Variants in FANCI observed in about 807,000 individuals in gnomAD.
FANCI encodes the protein Fanconi anemia group I protein.
FANCI carries 156 observed loss-of-function variants against 176.1 expected under a neutral mutation model. The observed-to-expected ratio is 0.89, with a 90% CI of 0.78 to 1.01. The LOEUF (loss-of-function observed/expected upper bound fraction) is 1.01. FANCI is among the 50% of genes least tolerant of loss of function. FANCI has a pLI of 0.00. For synonymous variants in FANCI, 613 were observed against 541.7 expected (o/e 1.13, Z -1.83); for missense variants, 1,678 against 1,534.1 (o/e 1.09, Z -1.57).
Position 89,305,115 on chromosome 15 carries a change from A to G in FANCI, c.3059A>G (p.Glu1020Gly). The G allele has an allele frequency of 6.2e-7, 1 of 1,614,100 alleles. No homozygotes were observed. Among genetic ancestry groups the G allele is most frequent in the Non-Finnish European group, 8.5e-7 (1 of 1,180,004 alleles). Residue 1020 changes from glutamate to glycine, a missense_variant and splice_region_variant, in exon 29 of 38, where the codon GAG (glutamate) becomes GGG (glycine). This residue lies in a region of FANCI where 1,204 missense variants were observed against 1,077.4 expected (regional missense o/e 1.12). Transcript: ENST00000310775. ...TSKICKENSREDALFCKSLMN... is the reference protein window; with the variant it reads ...TSKICKENSRGDALFCKSLMN... ...AATTTGCTTTTCTTCCTATTCCTAG[A>G]GGATGCCTTGTTTTGCAAGAGCTTG...
At chr15:89,310,356 T>A (rs2054906072) in intron 34 of FANCI, among the ~76,000 whole-genome samples, 1 of 152,246 alleles carries the variant, frequency 6.6e-6, no homozygotes, top group Non-Finnish European at 1.5e-5. Flanking sequence ...GAGTCATACC[T>A]GGTACTTGTT....
At chr15:89,294,456 G>A (rs1445132992) in intron 23 of FANCI, among the ~76,000 whole-genome samples, 5 of 152,162 alleles carry the variant, frequency 3.3e-5, no homozygotes, top group East Asian at 1.9e-4. Flanking sequence ...ATGGTGGTGC[G>A]CACCTGTAGT....
rs143068731 is a variant in FANCI, at chr15:89,293,983, C to T, written c.2442C>T (p.Leu814=). Residue 814 remains leucine (L), a synonymous_variant, in exon 23 of 38, where the codon CTC becomes CTT. Coordinates refer to ENST00000310775, the MANE Select transcript of FANCI (RefSeq NM_001113378.2). ...CCATGAAATTTGTGTCCAGTCTTCT[C>T]ACTGCTCTTTTCAGGTAAGGTTCTG... ...LLSMKFVSSL[L]TALFRDSIQS... is the part of the protein sequence containing the mutation. The T allele has an allele frequency of 3.1e-6, 5 of 1,614,152 alleles. No individual in the cohort carries two copies. In the African/African-American group the frequency reaches 6.7e-5, roughly 22 times the overall value.
intron 24 of FANCI, among the ~76,000 whole-genome samples, chr15:89,299,350 A>C (rs888195991): frequency 6.6e-6 from 1 of 152,168 alleles, no homozygotes; most frequent in Non-Finnish European, 1.5e-5. Context: ...ATTCTGTGCA[A>C]ATTCTTCCAG....
chr15:89,263,584 T>C, intron 7 of FANCI, 124 bp downstream of exon 7: 7 of 936,982 alleles, frequency 7.5e-6, no homozygotes, highest in Non-Finnish European at 1.2e-5. Flanking sequence ...TAGTTATGTT[T>C]TCTGTTACAG....
intron 14 of FANCI, among the ~76,000 whole-genome samples, chr15:89,280,853 T>C (rs567997393): frequency 6.6e-6 from 1 of 152,322 alleles, no homozygotes; most frequent in South Asian, 2.1e-4. Context: ...AATTCAGAAA[T>C]ATTTATTGAT....
chr15:89,251,494 T>C (rs1222528349), intron 2 of FANCI, among the ~76,000 whole-genome samples: 1 of 152,188 alleles, frequency 6.6e-6, no homozygotes, highest in Non-Finnish European at 1.5e-5. Flanking sequence ...TAAACAAATA[T>C]AACATTGATT....
At chr15:89,264,241 C>T (rs1375311431) in intron 8 of FANCI, among the ~76,000 whole-genome samples, 2 of 152,162 alleles carry the variant, frequency 1.3e-5, no homozygotes, top group Non-Finnish European at 2.9e-5. Flanking sequence ...CCAAGGAAAA[C>T]ATGCATTATC....
intron 1 of FANCI, among the ~76,000 whole-genome samples, chr15:89,246,790 GAGCCTCGC>G (rs1470586116): frequency 2.7e-5 from 3 of 109,940 alleles, no homozygotes; most frequent in Non-Finnish European, 5.1e-5. Flanking sequence ...TTTTGAGACA[GAGCCTCGC>G]TCTGTCGCCC....
At chr15:89,268,293 ACTC>A (rs1168133414) in intron 9 of FANCI, 103 bp from the exon 10 acceptor site, 1 of 1,192,888 alleles carries the variant, frequency 8.4e-7, no homozygotes, top group Non-Finnish European at 1.2e-6. Flanking sequence ...CTGGTCTTGA[ACTC>A]CTGGGATCAA....
intron 2 of FANCI, among the ~76,000 whole-genome samples, chr15:89,255,152 A>T (rs1367374048): frequency 6.6e-6 from 1 of 152,108 alleles, no homozygotes; most frequent in African/African-American, 2.4e-5. Context: ...TCTGTTGATC[A>T]TGATAGCCCT....
chr15:89,304,943 A>AT (rs1427410421), intron 28 of FANCI, among the ~76,000 whole-genome samples, 172 bp from the exon 29 acceptor site: 2 of 151,988 alleles, frequency 1.3e-5, no homozygotes, highest in African/African-American at 4.8e-5. Flanking sequence ...TGCCCGGCTA[A>AT]TTTTATATTT....
intron 13 of FANCI, among the ~76,000 whole-genome samples, chr15:89,277,201 TTTTTG>T (rs967741717): frequency 6.6e-6 from 1 of 152,206 alleles, no homozygotes; most frequent in South Asian, 2.1e-4. Flanking sequence ...CCATTTCTAG[TTTTTG>T]TTTTGTTTTG....
At chr15:89,303,722 A>G (rs1171028549) in intron 27 of FANCI, 142 bp from the exon 28 acceptor site, 12 of 674,010 alleles carry the variant, frequency 1.8e-5, no homozygotes, top group Non-Finnish European at 3.2e-5. Flanking sequence ...GCCCTTCATC[A>G]TATATTACCA....
chr15:89,265,881 C>G (rs12442641), intron 9 of FANCI, among the ~76,000 whole-genome samples: 4 of 151,996 alleles, frequency 2.6e-5, no homozygotes, highest in Non-Finnish European at 5.9e-5. Flanking sequence ...AGGGGCTATT[C>G]TAAGCACTTT....
chr15:89,316,926 G>A lies in FANCI; in HGVS notation c.*467G>A, dbSNP rs3176241. The A allele has an allele frequency of 2.9e-3, 2,554 of 883,040 alleles. 40 individuals carry two copies. In the African/African-American group the frequency reaches 0.037, roughly 13 times the overall value. 54.7% of individuals were successfully genotyped at this position (883,040 alleles called of 1,614,324 possible). A position where few individuals can be genotyped will look rare whatever the true frequency, so the allele number is the denominator to read the frequency against. Reference sequence around the variant, plus strand: ...GCTTAATGCTAAGGTCAAAAGGAGAGTGAAAGGTTGAGAACAATTGCCACG... The same window carrying A: ...GCTTAATGCTAAGGTCAAAAGGAGAATGAAAGGTTGAGAACAATTGCCACG... On this transcript the variant is annotated 3_prime_UTR_variant, in exon 38 of 38. Coordinates refer to ENST00000310775, the MANE Select transcript of FANCI (RefSeq NM_001113378.2).
chr15:89,251,675 A>G (rs540691330), intron 2 of FANCI, among the ~76,000 whole-genome samples: 9 of 152,240 alleles, frequency 5.9e-5, no homozygotes, highest in Non-Finnish European at 1.2e-4. Flanking sequence ...GTGGGATTTA[A>G]TAGCAGGAAT....
At chr15:89,277,830 T>A (rs1687036890) in intron 13 of FANCI, among the ~76,000 whole-genome samples, 1 of 152,182 alleles carries the variant, frequency 6.6e-6, no homozygotes, top group Admixed American at 6.5e-5. Flanking sequence ...CCTCTAAGTC[T>A]TCTTGATGTT....
intron 2 of FANCI, among the ~76,000 whole-genome samples, chr15:89,253,874 A>G (rs1014369197): frequency 1.2e-4 from 18 of 150,578 alleles, no homozygotes; most frequent in African/African-American, 4.2e-4. Context: ...GGCCTTAAAC[A>G]TAAGAAAATA....
Sources: allele counts gnomAD v4.1 joint callset (sites outside exome capture counted in the v4.1 genomes callset), GRCh38; gene constraint gnomAD v4.1.1; regional missense constraint gnomAD v4.1.1; transcripts MANE v1.5; gene names NCBI Gene and HGNC (gene_info 2026-07-23, HGNC 2026-07-21).